The following OCRL variants were observed in gnomAD, a reference collection of about 807,000 sequenced individuals.
OCRL encodes the protein inositol polyphosphate 5-phosphatase OCRL.
A neutral mutation model predicts 78.9 loss-of-function variants in OCRL; 8 were observed. The ratio of observed to expected loss-of-function variants is 0.10; its 90% CI spans 0.06 to 0.18. The LOEUF (loss-of-function observed/expected upper bound fraction) is 0.18, where lower values mean the gene tolerates loss of function less well. Ranked by LOEUF, OCRL falls within the 10% of genes least tolerant of loss-of-function variation. The probability of loss-of-function intolerance (pLI) is 1.00; values close to 1 mark genes in which losing one functional copy is unlikely to be tolerated. For synonymous variants in OCRL, 240 were observed against 235.4 expected, an observed-to-expected ratio of 1.02 and a Z score of -0.18; for missense variants, 454 against 696.7, an observed-to-expected ratio of 0.65 and a Z score of 3.92.
At position 129,562,450 on chromosome X, in the gene OCRL, A is replaced by T; in HGVS notation, c.1006A>T (p.Ile336Phe). 4.1e-6 allele frequency: 5 copies of T among 1,210,321 alleles called. No homozygotes were observed. The highest frequency in any genetic ancestry group is 5.6e-6 in the Non-Finnish European group (5 of 894,092). ...IFARKDQCRYIRDIATETVGT... is the reference protein window; with the variant it reads ...IFARKDQCRYFRDIATETVGT... Reference sequence around the variant, plus strand: ...TGCCAGAAAGGATCAGTGTCGATACATTCGTGATATTGCTACAGAAACAGT... The same window carrying T: ...TGCCAGAAAGGATCAGTGTCGATACTTTCGTGATATTGCTACAGAAACAGT... Residue 336 changes from isoleucine to phenylalanine, a missense_variant, in exon 11 of 24, where the codon ATT (isoleucine) becomes TTT (phenylalanine). Ile to Phe is a conservative substitution (Grantham distance 21). Around this residue, in one of 2 missense-constraint regions of OCRL, gnomAD observed 277 missense variants for 517.1 expected, o/e 0.54. Transcript: ENST00000371113.
intron 12 of OCRL, among the ~76,000 whole-genome samples, chrX:129,564,853 C>CT (rs1390117101): frequency 4.5e-5 from 5 of 110,293 alleles, no homozygotes; most frequent in African/African-American, 1.7e-4. Context: ...CACATGTACC[C>CT]TAAAACTTAT....
intron 12 of OCRL, among the ~76,000 whole-genome samples, chrX:129,563,876 G>A (rs1287454476): frequency 9.1e-6 from 1 of 109,434 alleles, no homozygotes; most frequent in Non-Finnish European, 1.9e-5. Flanking sequence ...TGACAAATGG[G>A]ATCTAATTCA....
At chrX:129,549,134 G>A (rs979257185) in intron 4 of OCRL, among the ~76,000 whole-genome samples, 13 of 110,885 alleles carry the variant, frequency 1.2e-4, no homozygotes, top group Non-Finnish European at 2.5e-4. Context: ...TTTTATTTAA[G>A]CCCCATCCCC....
Position 129,540,835 on chromosome X carries a change from C to T in OCRL, c.119+12C>T, listed in dbSNP as rs1465664515. 8.4e-7 allele frequency: 1 copy of T among 1,186,795 alleles called. No individual in the cohort carries two copies. The highest frequency in any genetic ancestry group is 2.2e-5 in the Admixed American group (1 of 46,073). On this transcript the variant is annotated intron_variant, in intron 2 of 23. Transcript: ENST00000371113. ...AACGGGCAATATGAGTAAGTAACCA[C>T]CTGATTCCCACAGAGGAGGGGAGCC...
chrX:129,546,410 A>G (rs1935879318), intron 3 of OCRL, among the ~76,000 whole-genome samples: 1 of 112,659 alleles, frequency 8.9e-6, no homozygotes, highest in Non-Finnish European at 1.9e-5. Flanking sequence ...CTCTGCACCT[A>G]AATATACCTG....
chrX:129,576,636 C>A, intron 18 of OCRL, 84 bp downstream of exon 18: 1 of 768,807 alleles, frequency 1.3e-6, no homozygotes, highest in Non-Finnish European at 2.0e-6. Flanking sequence ...TTTGTGCTTT[C>A]TGTCTTCTTT....
intron 18 of OCRL, among the ~76,000 whole-genome samples, chrX:129,583,914 G>C: frequency 9.0e-6 from 1 of 110,701 alleles, no homozygotes; most frequent in East Asian, 2.9e-4. Flanking sequence ...GGGGTGAGAA[G>C]AATGAAAATG....
chrX:129,576,841 C>T (rs750055318), intron 18 of OCRL, among the ~76,000 whole-genome samples: 6 of 111,760 alleles, frequency 5.4e-5, no homozygotes. Flanking sequence ...TTAAGCTCTT[C>T]ATACTCTCAA....
intron 15 of OCRL, among the ~76,000 whole-genome samples, chrX:129,570,874 C>T (rs1198760386): frequency 2.7e-5 from 3 of 112,402 alleles, no homozygotes; most frequent in Non-Finnish European, 5.6e-5. Context: ...GTGAAACCCA[C>T]GTATAAGGAG....
At chrX:129,574,457 C>CT (rs1936343044) in intron 15 of OCRL, among the ~76,000 whole-genome samples, 1 of 112,280 alleles carries the variant, frequency 8.9e-6, no homozygotes, top group Non-Finnish European at 1.9e-5. Flanking sequence ...TTACTCTAGT[C>CT]TAGGACATTT....
At chrX:129,584,092 G>A (rs1222258956) in intron 18 of OCRL, among the ~76,000 whole-genome samples, 1 of 112,388 alleles carries the variant, frequency 8.9e-6, no homozygotes, top group East Asian at 2.8e-4. Context: ...GGGCACTGAA[G>A]TCTAGAACTG....
At chrX:129,551,656 A>C (rs943751204) in intron 4 of OCRL, among the ~76,000 whole-genome samples, 1 of 112,220 alleles carries the variant, frequency 8.9e-6, no homozygotes, top group Non-Finnish European at 1.9e-5. Context: ...GGATGGTCTC[A>C]ATCTCTTGAC....
chrX:129,569,201 G>T, intron 14 of OCRL, 63 bp from the exon 15 acceptor site: 3 of 1,140,560 alleles, frequency 2.6e-6, no homozygotes, highest in East Asian at 6.0e-5. Flanking sequence ...ATCTAAACCA[G>T]TGTGGTAGGT....
intron 3 of OCRL, among the ~76,000 whole-genome samples, chrX:129,548,290 A>C (rs1935916263): frequency 8.9e-6 from 1 of 111,935 alleles, no homozygotes; most frequent in African/African-American, 3.3e-5. Context: ...CTGTACTATT[A>C]ATTTCTCATT....
chrX:129,584,491 A>G (rs1936485190), intron 19 of OCRL, 124 bp downstream of exon 19: 1 of 629,647 alleles, frequency 1.6e-6, no homozygotes, highest in Non-Finnish European at 2.7e-6. Context: ...AGACTCCCCT[A>G]AAGTCCTGCC....
intron 2 of OCRL, among the ~76,000 whole-genome samples, chrX:129,541,906 G>A (rs772032215): frequency 8.9e-5 from 10 of 112,101 alleles, no homozygotes; most frequent in Admixed American, 7.6e-4. Flanking sequence ...TCTTTCATAG[G>A]TCCTGCTTAG....
chrX:129,579,315 C>T (rs183157838), intron 18 of OCRL, among the ~76,000 whole-genome samples: 1 of 111,589 alleles, frequency 9.0e-6, no homozygotes, highest in African/African-American at 3.3e-5. Context: ...AATGATTCCT[C>T]AGGTATAGTA....
At chrX:129,566,004 G>A (rs1055635175) in intron 13 of OCRL, 121 bp downstream of exon 13, 6 of 510,484 alleles carry the variant, frequency 1.2e-5, no homozygotes, top group Non-Finnish European at 1.7e-5. Context: ...TGAAAACAGT[G>A]TGACTAGTGA....
intron 3 of OCRL, among the ~76,000 whole-genome samples, chrX:129,547,250 G>A (rs1226666481): frequency 1.8e-5 from 2 of 110,177 alleles, no homozygotes; most frequent in Non-Finnish European, 3.8e-5. Context: ...AACCGGCTGG[G>A]CGCGGTGGCT....
Sources: gnomAD v4.1 joint callset for allele counts (sites outside exome capture counted in the v4.1 genomes callset) on GRCh38, gnomAD v4.1.1 for gene constraint, gnomAD v4.1.1 regional missense constraint, MANE v1.5 for transcripts, NCBI Gene and HGNC (gene_info 2026-07-23, HGNC 2026-07-21) for gene names.